LBR: variants seen among roughly 807,000 people sequenced by gnomAD.
The protein encoded by LBR is lamin B receptor, also known as delta(14)-sterol reductase LBR.
In LBR, 28 loss-of-function variants were observed where a neutral mutation model predicts 74.3. That is an observed-to-expected ratio of 0.38 (90% CI 0.28 to 0.52). LBR has a LOEUF of 0.52. Among genes scored for constraint, LBR ranks in the 20% least tolerant of loss-of-function variants. LBR has a pLI of 0.89. For missense variants in LBR, 717 were observed against 760.3 expected (o/e 0.94, Z 0.67); for synonymous variants, 228 against 269.3 (o/e 0.85, Z 1.50).
chr1:225,415,355 A>C, intron 6 of LBR, 23 bp from the exon 7 acceptor site: 1 of 1,371,872 alleles, frequency 7.3e-7, no homozygotes, highest in Non-Finnish European at 1.0e-6. Context: ...AAAATTTACA[A>C]ATTTACTAAG....
chr1:225,419,471 A>C lies in LBR; in HGVS notation c.451-19T>G. 6.4e-7 allele frequency: 1 copy of C among 1,557,476 alleles called. No individual in the cohort carries two copies. Among genetic ancestry groups the C allele is most frequent in the Middle Eastern group, 1.9e-4 (1 of 5,304 alleles). ...ATTTTTCCTAAATGAAAAATTTAAA[A>C]ATTAAATATCTGCAGTGAACAATTA... On this transcript the variant is annotated intron_variant, in intron 4 of 13. Coordinates refer to ENST00000272163, the MANE Select transcript of LBR (RefSeq NM_002296.4).
intron 1 of LBR, among the ~76,000 whole-genome samples, chr1:225,424,750 C>A (rs934100034): frequency 6.6e-6 from 1 of 152,224 alleles, no homozygotes; most frequent in Non-Finnish European, 1.5e-5. Context: ...TTATAACATT[C>A]TTTTCCTCTG....
At chr1:225,409,900 A>G (rs2096101090) in intron 10 of LBR, among the ~76,000 whole-genome samples, 1 of 152,202 alleles carries the variant, frequency 6.6e-6, no homozygotes, top group Admixed American at 6.5e-5. Context: ...ACAATAAAAC[A>G]TCTCCCCCAT....
intron 1 of LBR, among the ~76,000 whole-genome samples, chr1:225,425,573 T>G (rs2096137511): frequency 1.3e-5 from 2 of 152,160 alleles, no homozygotes; most frequent in Admixed American, 1.3e-4. Context: ...AGTGAACACC[T>G]CTGCATGAGC....
At chr1:225,421,231 C>T (rs1189969908) in intron 3 of LBR, among the ~76,000 whole-genome samples, 2 of 152,218 alleles carry the variant, frequency 1.3e-5, no homozygotes, top group East Asian at 1.9e-4. Flanking sequence ...CAGTGGCTCA[C>T]GCCTGTAATC....
intron 2 of LBR, 57 bp from the exon 3 acceptor site, chr1:225,422,334 G>T: frequency 7.3e-7 from 1 of 1,365,422 alleles, no homozygotes; most frequent in Non-Finnish European, 1.0e-6. Flanking sequence ...CATACAGACA[G>T]ACCCACACTA....
Position 225,403,270 on chromosome 1 carries a change from G to A in LBR, c.*33C>T. 6.2e-7 allele frequency: 1 copy of A among 1,603,436 alleles called. No homozygotes were observed. The highest frequency in any genetic ancestry group is 8.5e-7 in the Non-Finnish European group (1 of 1,170,310). ...GTTTTTGCAAATGGCAGCTGGAATT[G>A]CAGGAGTATTTTGTAGAAAAGCCAG... On this transcript the variant is annotated 3_prime_UTR_variant, in exon 14 of 14. Transcript: ENST00000272163.
intron 9 of LBR, 71 bp downstream of exon 9, chr1:225,411,266 G>C: frequency 9.3e-7 from 1 of 1,074,958 alleles, no homozygotes; most frequent in East Asian, 2.4e-5. Context: ...TTTTTGAATG[G>C]TCTACATTTC....
chr1:225,407,576 C>T (rs186094345), intron 10 of LBR, among the ~76,000 whole-genome samples: 4 of 152,134 alleles, frequency 2.6e-5, no homozygotes, highest in Admixed American at 6.5e-5. Flanking sequence ...GCCCAGGATA[C>T]GGGCAGGCCA....
chr1:225,428,232 C>T (rs1026005480), upstream of LBR, among the ~76,000 whole-genome samples: 4 of 152,062 alleles, frequency 2.6e-5, no homozygotes, highest in African/African-American at 9.7e-5. Context: ...CGCGTCCGCC[C>T]CGCCCCACCC....
At chr1:225,425,223 G>GC (rs1323288203) in intron 1 of LBR, among the ~76,000 whole-genome samples, 4 of 144,532 alleles carry the variant, frequency 2.8e-5, no homozygotes, top group African/African-American at 1.2e-4. Context: ...GTGGGAGAGT[G>GC]GGGGGGGAGG....
intron 8 of LBR, among the ~76,000 whole-genome samples, chr1:225,412,110 AGTAAC>A (rs751018084): frequency 3.3e-5 from 5 of 152,214 alleles, no homozygotes; most frequent in African/African-American, 4.8e-5. Flanking sequence ...TCACCCGGCC[AGTAAC>A]CTCTGTTGTT....
intron 1 of LBR, among the ~76,000 whole-genome samples, chr1:225,425,969 C>T (rs1019094379): frequency 6.6e-6 from 1 of 152,218 alleles, no homozygotes; most frequent in African/African-American, 2.4e-5. Context: ...ACACCACATA[C>T]ACAGTATCTG....
At position 225,412,649 on chromosome 1, in the gene LBR, TAAAA is replaced by T. The variant is rs78306811; in HGVS notation, c.893-8_893-5del. ...GTCAGGATAAAAGCATAGAATCCTTTAAAAAAAAAAAAAAAAGGAAGTGGAAAAT... is the reference window on the plus strand; with the variant it reads ...GTCAGGATAAAAGCATAGAATCCTTTAAAAAAAAAAAAGGAAGTGGAAAAT... On this transcript the variant is annotated splice_region_variant and splice_polypyrimidine_tract_variant and intron_variant, in intron 7 of 13. Coordinates refer to ENST00000272163, the MANE Select transcript of LBR (RefSeq NM_002296.4). 1.4e-6 allele frequency: 2 copies of T among 1,406,822 alleles called. No homozygotes were observed. Among genetic ancestry groups the T allele is most frequent in the Non-Finnish European group, 9.7e-7 (1 of 1,035,138 alleles). 87.1% of individuals were successfully genotyped at this position (1,406,822 alleles called of 1,614,324 possible). A position where few individuals can be genotyped will look rare whatever the true frequency, so the allele number is the denominator to read the frequency against.
chr1:225,416,464 C>T (rs188603045), intron 6 of LBR, among the ~76,000 whole-genome samples: 43 of 152,316 alleles, frequency 2.8e-4, no homozygotes, highest in Admixed American at 1.4e-3. Context: ...GGCTAAACTA[C>T]TTTATCTTAT....
Position 225,403,272 on chromosome 1 carries a change from A to C in LBR, c.*31T>G. 9 of 1,605,942 alleles carry C rather than the reference A, an allele frequency of 5.6e-6. No homozygotes were observed. Among genetic ancestry groups the C allele is most frequent in the Non-Finnish European group, 7.7e-6 (9 of 1,172,526 alleles). ...TTTTGCAAATGGCAGCTGGAATTGC[A>C]GGAGTATTTTGTAGAAAAGCCAGAA... On this transcript the variant is annotated 3_prime_UTR_variant, in exon 14 of 14. Transcript: ENST00000272163.
Position 225,410,430 on chromosome 1 carries a change from G to A in LBR, c.1189-14C>T, listed in dbSNP as rs753595233. On this transcript the variant is annotated splice_polypyrimidine_tract_variant and intron_variant, in intron 9 of 13. Transcript: ENST00000272163. ...GTTAATAACCACCTGAAACAAAAGG[G>A]GAAAGTATATAGCCTCAAAGCACCT... 2.5e-6 allele frequency: 4 copies of A among 1,613,586 alleles called. No individual in the cohort carries two copies. The highest frequency in any genetic ancestry group is 3.4e-6 in the Non-Finnish European group (4 of 1,179,892).
rs1285540635 is a variant in LBR, at chr1:225,410,428, G to A, written c.1189-12C>T. 6.2e-7 allele frequency: 1 copy of A among 1,613,812 alleles called. No homozygotes were observed. The highest frequency in any genetic ancestry group is 8.5e-7 in the Non-Finnish European group (1 of 1,179,882). On this transcript the variant is annotated splice_polypyrimidine_tract_variant and intron_variant, in intron 9 of 13. Coordinates refer to ENST00000272163, the MANE Select transcript of LBR (RefSeq NM_002296.4). ...AAGTTAATAACCACCTGAAACAAAA[G>A]GGGAAAGTATATAGCCTCAAAGCAC...
intron 2 of LBR, among the ~76,000 whole-genome samples, chr1:225,423,457 C>A (rs2150959598): frequency 6.6e-6 from 1 of 152,122 alleles, no homozygotes. Flanking sequence ...CCACCCCCTT[C>A]CAGCACTTGG....
Sources: gnomAD v4.1 joint callset for allele counts (sites outside exome capture counted in the v4.1 genomes callset) on GRCh38, gnomAD v4.1.1 for gene constraint, MANE v1.5 for transcripts, NCBI Gene and HGNC (gene_info 2026-07-23, HGNC 2026-07-21) for gene names.